Variants in TOM1L1 observed in about 807,000 individuals in gnomAD.
TOM1L1 encodes target of myb1 like 1 membrane trafficking protein.
Under a neutral mutation model 63.4 loss-of-function variants are expected in TOM1L1, and 64 were observed. That is an observed-to-expected ratio of 1.01 (90% CI 0.83 to 1.24). The LOEUF (loss-of-function observed/expected upper bound fraction) is 1.24. TOM1L1 is among the 50% of genes most tolerant of loss of function. The pLI, the probability that TOM1L1 is intolerant of heterozygous loss-of-function variation, is 0.00. For missense variants in TOM1L1, 536 were observed against 567.0 expected (o/e 0.95, Z 0.55); for synonymous variants, 166 against 194.4 (o/e 0.85, Z 1.22).
chr17:54,961,357 T>C lies in TOM1L1; in HGVS notation c.*124T>C, dbSNP rs1345419493. 8 of 1,551,168 alleles carry C rather than the reference T, an allele frequency of 5.2e-6. No individual in the cohort carries two copies. The African/African-American group carries it at 5.5e-5, about 11-fold the overall frequency. ...AACATGTCAAAGCCATGGTGGCACATTTCTGCTATAATGAAGATTAAATAG... is the reference window on the plus strand; with the variant it reads ...AACATGTCAAAGCCATGGTGGCACACTTCTGCTATAATGAAGATTAAATAG... On this transcript the variant is annotated 3_prime_UTR_variant, in exon 16 of 16. Coordinates refer to ENST00000575882, the MANE Select transcript of TOM1L1 (RefSeq NM_005486.3).
In TOM1L1 at chr17:54,939,022, T is replaced by G; in HGVS notation, c.1130+2T>G. On this transcript the variant is annotated splice_donor_variant, in intron 11 of 15. Coordinates refer to ENST00000575882, the MANE Select transcript of TOM1L1 (RefSeq NM_005486.3). LOFTEE classifies it high-confidence loss of function. ...CTTGGAGAATACAGAGATACCCCCG[T>G]AAGTATGTCAGTAACACTGCAGAAC... 1 of 1,575,368 alleles carries G rather than the reference T, an allele frequency of 6.3e-7. No homozygotes were observed. Among genetic ancestry groups the G allele is most frequent in the Non-Finnish European group, 8.7e-7 (1 of 1,146,398 alleles).
intron 11 of TOM1L1, 152 bp downstream of exon 11, chr17:54,939,172 G>A: frequency 2.1e-6 from 1 of 480,040 alleles, no homozygotes; most frequent in Non-Finnish European, 3.6e-6. Context: ...CCAGGAGTTT[G>A]AGACCAGCCT....
In TOM1L1 at chr17:54,900,942, A is replaced by G; in HGVS notation, c.58+19A>G. ...CTCATAGGTAAGGAGGCGCGGGGAG[A>G]GACGCCCAGGCAGGCAGGGGACCGT... On this transcript the variant is annotated intron_variant, in intron 1 of 15. Coordinates refer to ENST00000575882, the MANE Select transcript of TOM1L1 (RefSeq NM_005486.3). 1 of 1,613,704 alleles carries G rather than the reference A, an allele frequency of 6.2e-7. No individual in the cohort carries two copies.
At chr17:54,937,339 C>CA in intron 10 of TOM1L1, 113 bp downstream of exon 10, 1 of 859,650 alleles carries the variant, frequency 1.2e-6, no homozygotes, top group East Asian at 2.4e-5. Context: ...GGTTGAATGT[C>CA]AGAGCGCTAT....
In TOM1L1 at chr17:54,939,008, CAG is replaced by C. The variant is rs776955981; in HGVS notation, c.1122_1123del (p.Glu374AspfsTer19). 4 of 1,603,270 alleles carry C rather than the reference CAG, an allele frequency of 2.5e-6. No homozygotes were observed. The highest frequency in any genetic ancestry group is 3.4e-6 in the Non-Finnish European group (4 of 1,170,992). On this transcript the variant is annotated frameshift_variant, in exon 11 of 16. Transcript: ENST00000575882. LOFTEE classifies it high-confidence loss of function. ...ATGAACTTGCTAGCCTTGGAGAATACAGAGATACCCCCGTAAGTATGTCAGTA... is the reference window on the plus strand; with the variant it reads ...ATGAACTTGCTAGCCTTGGAGAATACAGATACCCCCGTAAGTATGTCAGTA...
chr17:54,907,047 C>T (rs1017785806), intron 3 of TOM1L1, among the ~76,000 whole-genome samples: 5 of 151,994 alleles, frequency 3.3e-5, no homozygotes, highest in African/African-American at 7.3e-5. Context: ...TGCATAGGCT[C>T]GCTGAATAAG....
chr17:54,903,426 C>T (rs137907041), intron 1 of TOM1L1, among the ~76,000 whole-genome samples: 87 of 152,364 alleles, frequency 5.7e-4, no homozygotes, highest in South Asian at 1.0e-3. Context: ...CTCTGAAAGC[C>T]AGGCAGGCGG....
intron 11 of TOM1L1, 139 bp downstream of exon 11, chr17:54,939,159 A>T (rs1263507445): frequency 2.0e-6 from 1 of 503,488 alleles, no homozygotes; most frequent in Non-Finnish European, 3.4e-6. Flanking sequence ...GGATCACTTG[A>T]GCCCAGGAGT....
At chr17:54,905,400 C>T in intron 2 of TOM1L1, 89 bp from the exon 3 acceptor site, 1 of 861,400 alleles carries the variant, frequency 1.2e-6, no homozygotes, top group Non-Finnish European at 1.9e-6. Context: ...CTTAGCCATT[C>T]CTCTCTCCAA....
At chr17:54,933,714 G>A (rs1424587735) in intron 8 of TOM1L1, among the ~76,000 whole-genome samples, 1 of 152,138 alleles carries the variant, frequency 6.6e-6, no homozygotes, top group Non-Finnish European at 1.5e-5. Context: ...GTAGAGACGG[G>A]GTTTCACTAT....
intron 7 of TOM1L1, among the ~76,000 whole-genome samples, chr17:54,918,155 A>C (rs895460751): frequency 2.6e-5 from 4 of 152,200 alleles, no homozygotes; most frequent in Non-Finnish European, 5.9e-5. Context: ...GCAACCTTGA[A>C]TGTCCTGAAT....
intron 11 of TOM1L1, among the ~76,000 whole-genome samples, chr17:54,944,662 T>C (rs1192041173): frequency 6.6e-6 from 1 of 152,182 alleles, no homozygotes; most frequent in Non-Finnish European, 1.5e-5. Flanking sequence ...AAGGATATTA[T>C]CAGTGACTAC....
chr17:54,938,873 AACTG>A (rs1486962393), intron 10 of TOM1L1, 47 bp from the exon 11 acceptor site: 9 of 1,123,444 alleles, frequency 8.0e-6, no homozygotes, highest in Middle Eastern at 3.9e-4. Flanking sequence ...AATCCAGCAT[AACTG>A]ACTGACAAAA....
chr17:54,913,419 A>G (rs1282893711), intron 4 of TOM1L1, among the ~76,000 whole-genome samples: 3 of 152,098 alleles, frequency 2.0e-5, no homozygotes, highest in Non-Finnish European at 4.4e-5. Context: ...TAATCCCAGC[A>G]CTTTGGGAGG....
Sources: allele counts gnomAD v4.1 joint callset (sites outside exome capture counted in the v4.1 genomes callset), GRCh38; gene constraint gnomAD v4.1.1; transcripts MANE v1.5; gene names NCBI Gene and HGNC (gene_info 2026-07-23, HGNC 2026-07-21).